GPC6: variants seen among roughly 807,000 people sequenced by gnomAD.
GPC6 encodes glypican 6.
Under a neutral mutation model 55.2 loss-of-function variants are expected in GPC6, and 14 were observed. The ratio of observed to expected loss-of-function variants is 0.25; its 90% CI spans 0.17 to 0.40. The LOEUF (loss-of-function observed/expected upper bound fraction) is 0.40. GPC6 is among the 10% of genes least tolerant of loss of function. The pLI is 1.00. For missense variants in GPC6, 641 were observed against 708.5 expected, an observed-to-expected ratio of 0.90 and a Z score of 1.08; for synonymous variants, 278 against 259.6, an observed-to-expected ratio of 1.07 and a Z score of -0.68.
chr13:93,887,952 C>A (rs1875444514), intron 3 of GPC6, among the ~76,000 whole-genome samples: 1 of 152,080 alleles, frequency 6.6e-6, no homozygotes, highest in Admixed American at 6.6e-5. Context: ...GCCAGCAGTC[C>A]ATCTGGGGAC....
chr13:94,125,585 T>G (rs1886778817), intron 4 of GPC6, among the ~76,000 whole-genome samples: 1 of 152,148 alleles, frequency 6.6e-6, no homozygotes. Context: ...TTCCTGATCG[T>G]GTTCACAGCC....
chr13:93,953,379 TC>T (rs990865939), intron 3 of GPC6, among the ~76,000 whole-genome samples: 1 of 152,182 alleles, frequency 6.6e-6, no homozygotes, highest in African/African-American at 2.4e-5. Context: ...GGGTTTTCAG[TC>T]CATCTTTGGT....
chr13:93,225,483 GGA>G (rs1875739753), upstream of GPC6, among the ~76,000 whole-genome samples: 1 of 19,202 alleles, frequency 5.2e-5, no homozygotes, highest in Admixed American at 1.0e-3. Flanking sequence ...ATTTAGCTAT[GGA>G]GTTTTTTTTT....
chr13:93,881,457 A>G (rs1198533181), intron 3 of GPC6, among the ~76,000 whole-genome samples: 1 of 152,108 alleles, frequency 6.6e-6, no homozygotes, highest in Non-Finnish European at 1.5e-5. Flanking sequence ...TTTAAATGGC[A>G]TAATATAATT....
chr13:93,279,259 G>A (rs1430102963), intron 1 of GPC6, among the ~76,000 whole-genome samples: 3 of 152,178 alleles, frequency 2.0e-5, no homozygotes, highest in Admixed American at 6.5e-5. Context: ...GAAGGAGCAT[G>A]TGGATTCAAT....
chr13:93,458,202 T>C (rs1259207139), intron 1 of GPC6, among the ~76,000 whole-genome samples: 1 of 152,218 alleles, frequency 6.6e-6, no homozygotes, highest in African/African-American at 2.4e-5. Context: ...TCACACATAC[T>C]GCTCAGGAGA....
At position 93,453,442 on chromosome 13, in the gene GPC6, T is replaced by C. The variant is rs552453772; in HGVS notation, c.161-91821T>C. On this transcript the variant is annotated intron_variant, in intron 1 of 8. Coordinates refer to ENST00000377047, the MANE Select transcript of GPC6 (RefSeq NM_005708.5). Reference sequence around the variant, plus strand: ...ACTGTGCACTTTACACAAGTTGAAGTTGAGTTTATGTAAATCTCATAAGTA... The same window carrying C: ...ACTGTGCACTTTACACAAGTTGAAGCTGAGTTTATGTAAATCTCATAAGTA... Among the ~76,000 whole-genome samples the C allele has an allele frequency of 2.0e-5, 3 of 152,132 alleles. No homozygotes were observed. The East Asian group carries it at 5.8e-4, about 30-fold the overall frequency.
At position 94,255,443 on chromosome 13, in the gene GPC6, G is replaced by A. The variant is rs534461905; in HGVS notation, c.878-30906G>A. ...CAAAATTTTACCACTATAGAAACAG[G>A]GAGGAAAAGGTCACAGAGAAGAGAA... On this transcript the variant is annotated intron_variant, in intron 4 of 8. Coordinates refer to ENST00000377047, the MANE Select transcript of GPC6 (RefSeq NM_005708.5). Among the ~76,000 whole-genome samples the A allele has an allele frequency of 1.2e-4, 18 of 152,216 alleles. 1 individual carries two copies. Among genetic ancestry groups the A allele is most frequent in the African/African-American group, 3.4e-4 (14 of 41,546 alleles).
chr13:93,594,186 G>A (rs1877621559), intron 2 of GPC6, among the ~76,000 whole-genome samples: 1 of 151,190 alleles, frequency 6.6e-6, no homozygotes, highest in Non-Finnish European at 1.5e-5. Context: ...TAGCTTTTAA[G>A]TTCAGGGGTA....
At chr13:94,069,096 T>G (rs1884637487) in intron 4 of GPC6, among the ~76,000 whole-genome samples, 1 of 152,184 alleles carries the variant, frequency 6.6e-6, no homozygotes, top group African/African-American at 2.4e-5. Context: ...GCAGCAAACT[T>G]CTGCCTGGGC....
chr13:93,877,452 T>C (rs1463468908), intron 3 of GPC6, among the ~76,000 whole-genome samples: 4 of 152,012 alleles, frequency 2.6e-5, no homozygotes, highest in Non-Finnish European at 5.9e-5. Context: ...TTAAAAAATA[T>C]AACACACAAC....
intron 4 of GPC6, among the ~76,000 whole-genome samples, chr13:94,201,669 G>A (rs372147592): frequency 6.6e-5 from 10 of 152,194 alleles, no homozygotes; most frequent in African/African-American, 2.2e-4. Flanking sequence ...TCTACATAGC[G>A]GCCGGGCATG....
chr13:94,112,347 G>A (rs1235529211), intron 4 of GPC6, among the ~76,000 whole-genome samples: 2 of 152,020 alleles, frequency 1.3e-5, no homozygotes, highest in Non-Finnish European at 2.9e-5. Flanking sequence ...ACAATCTACC[G>A]CCTTCCTTGT....
chr13:94,080,024 T>G (rs999804733), intron 4 of GPC6, among the ~76,000 whole-genome samples: 4 of 152,208 alleles, frequency 2.6e-5, no homozygotes, highest in Non-Finnish European at 1.5e-5. Context: ...AATGATACCA[T>G]GTGTTCTACA....
In GPC6 at chr13:93,603,246, G is replaced by A. The variant is rs1161723293; in HGVS notation, c.319+57825G>A. Among the ~76,000 whole-genome samples, 8 of 152,124 alleles carry A rather than the reference G, an allele frequency of 5.3e-5. No individual in the cohort carries two copies. In the East Asian group the frequency reaches 1.4e-3, roughly 26 times the overall value. The stretch of plus-strand genomic sequence containing the variant: ...TGGTCTCAAACTCCTAAATTCAAGC[G>A]ATCTGCCCACTTCAGCCTCCCAAAT... On this transcript the variant is annotated intron_variant, in intron 2 of 8. Coordinates refer to ENST00000377047, the MANE Select transcript of GPC6 (RefSeq NM_005708.5).
intron 4 of GPC6, among the ~76,000 whole-genome samples, chr13:94,211,968 G>A (rs1022487765): frequency 2.0e-5 from 3 of 152,204 alleles, no homozygotes; most frequent in East Asian, 1.9e-4. Context: ...GCTAATTAAC[G>A]ATGTCTTGAA....
chr13:93,951,411 AT>A (rs1216933085), intron 3 of GPC6, among the ~76,000 whole-genome samples: 1 of 152,130 alleles, frequency 6.6e-6, no homozygotes, highest in Non-Finnish European at 1.5e-5. Flanking sequence ...TATGCCAGTC[AT>A]TTTTTGTTTC....
chr13:93,441,395 T>A (rs1413581310), intron 1 of GPC6, among the ~76,000 whole-genome samples: 1 of 152,154 alleles, frequency 6.6e-6, no homozygotes, highest in East Asian at 1.9e-4. Context: ...TTCTAACTGG[T>A]GTGAGATGGT....
At chr13:93,606,106 A>C (rs1413290013) in intron 2 of GPC6, among the ~76,000 whole-genome samples, 1 of 152,168 alleles carries the variant, frequency 6.6e-6, no homozygotes, top group Non-Finnish European at 1.5e-5. Flanking sequence ...GATCATAGGA[A>C]GTCAAGTTCC....
Sources: gnomAD v4.1 joint callset for allele counts (sites outside exome capture counted in the v4.1 genomes callset) on GRCh38, gnomAD v4.1.1 for gene constraint, MANE v1.5 for transcripts, NCBI Gene and HGNC (gene_info 2026-07-23, HGNC 2026-07-21) for gene names.